The following PDE9A variants were observed in gnomAD, a reference collection of about 807,000 sequenced individuals.
PDE9A encodes high affinity cGMP-specific 3',5'-cyclic phosphodiesterase 9A.
PDE9A carries 60 observed loss-of-function variants against 87.4 expected under a neutral mutation model. The ratio of observed to expected loss-of-function variants is 0.69; its 90% CI spans 0.56 to 0.85. PDE9A has a LOEUF of 0.85. PDE9A is among the 40% of genes least tolerant of loss of function. The pLI, the probability that PDE9A is intolerant of heterozygous loss-of-function variation, is 0.00. For missense variants in PDE9A, 665 were observed against 779.0 expected, an observed-to-expected ratio of 0.85 and a Z score of 1.74; for synonymous variants, 272 against 279.4, an observed-to-expected ratio of 0.97 and a Z score of 0.27.
chr21:42,744,334 G>C (rs867547331), intron 8 of PDE9A, among the ~76,000 whole-genome samples: 3 of 152,006 alleles, frequency 2.0e-5, no homozygotes, highest in African/African-American at 7.2e-5. Flanking sequence ...GCCTGGGCTC[G>C]ACAGAGCAAG....
intron 4 of PDE9A, among the ~76,000 whole-genome samples, chr21:42,720,170 C>T (rs980153507): frequency 6.6e-6 from 1 of 152,178 alleles, no homozygotes; most frequent in African/African-American, 2.4e-5. Flanking sequence ...GGCATCCGTT[C>T]GGTTATTCGT....
chr21:42,730,428 G>GT (rs530984017), intron 4 of PDE9A, among the ~76,000 whole-genome samples: 5 of 151,794 alleles, frequency 3.3e-5, no homozygotes, highest in Non-Finnish European at 5.9e-5. Flanking sequence ...AAACTGATTA[G>GT]TTTTTTTTAA....
chr21:42,682,029 G>T (rs1403607825), intron 1 of PDE9A, among the ~76,000 whole-genome samples: 1 of 152,218 alleles, frequency 6.6e-6, no homozygotes, highest in Non-Finnish European at 1.5e-5. Context: ...GAAGAGCGCG[G>T]CTGTCCAAGC....
At chr21:42,724,109 A>G (rs2050792770) in intron 4 of PDE9A, among the ~76,000 whole-genome samples, 1 of 152,100 alleles carries the variant, frequency 6.6e-6, no homozygotes, top group African/African-American at 2.4e-5. Flanking sequence ...GAGGTGCTAG[A>G]GGGGGTAAGG....
At chr21:42,667,879 G>A (rs1018528226) in intron 1 of PDE9A, among the ~76,000 whole-genome samples, 17 of 151,848 alleles carry the variant, frequency 1.1e-4, no homozygotes, top group African/African-American at 3.4e-4. Flanking sequence ...TTGATGAACC[G>A]CCCTTTCCCC....
At chr21:42,667,204 A>G (rs1302572272) in intron 1 of PDE9A, among the ~76,000 whole-genome samples, 1 of 152,212 alleles carries the variant, frequency 6.6e-6, no homozygotes, top group African/African-American at 2.4e-5. Context: ...GGAGATCACA[A>G]TGAGGAAGTT....
In PDE9A at chr21:42,685,240, G is replaced by C. The variant is rs145474896; in HGVS notation, c.70-952G>C. On this transcript the variant is annotated intron_variant, in intron 1 of 19. Transcript: ENST00000291539. ...TCCCTGAGAGCCGAGACTCATGGCC[G>C]GGACCCCTTGGACAGAAGATGCGGA... Among the ~76,000 whole-genome samples the C allele has an allele frequency of 6.9e-3, 1,055 of 152,338 alleles. 18 individuals carry two copies. Among genetic ancestry groups the C allele is most frequent in the African/African-American group, 0.024 (1,006 of 41,584 alleles).
intron 1 of PDE9A, among the ~76,000 whole-genome samples, chr21:42,665,624 C>G (rs1007478081): frequency 1.3e-5 from 2 of 152,202 alleles, no homozygotes; most frequent in African/African-American, 4.8e-5. Flanking sequence ...CCTGCCCTGG[C>G]CGGCCCTTGC....
intron 1 of PDE9A, among the ~76,000 whole-genome samples, chr21:42,666,222 A>C (rs914657519): frequency 6.6e-6 from 1 of 151,830 alleles, no homozygotes; most frequent in African/African-American, 2.4e-5. Flanking sequence ...CGTGGCTATC[A>C]GCTCCAGAAG....
In PDE9A at chr21:42,760,779, C is replaced by A. The variant is rs1339198520; in HGVS notation, c.1003-46C>A. ...CCACCCCCCCTCACCCCATCCCACC[C>A]TCCGAGTGAAGAGAGCAAACACCTA... On this transcript the variant is annotated intron_variant, in intron 12 of 19. Transcript: ENST00000291539. The surrounding 1 kb of genome is among the most constrained non-coding windows in gnomAD (Gnocchi z 5.2). 1 of 1,089,666 alleles carries A rather than the reference C, an allele frequency of 9.2e-7. No individual in the cohort carries two copies. Among genetic ancestry groups the A allele is most frequent in the Non-Finnish European group, 1.4e-6 (1 of 703,036 alleles). The allele number at this position is 1,089,666 out of a possible 1,614,324, so 67.5% of individuals were successfully genotyped here.
intron 1 of PDE9A, among the ~76,000 whole-genome samples, chr21:42,663,616 C>A (rs950818106): frequency 1.9e-4 from 29 of 152,220 alleles, no homozygotes; most frequent in African/African-American, 7.0e-4. Context: ...CGTCTTCCCA[C>A]CCTGCGGTCA....
In PDE9A at chr21:42,760,861, A is replaced by C. The variant is rs762832936; in HGVS notation, c.1039A>C (p.Thr347Pro). The C allele has an allele frequency of 6.2e-7, 1 of 1,612,270 alleles. No individual in the cohort carries two copies. The highest frequency in any genetic ancestry group is 1.1e-5 in the South Asian group (1 of 91,038). Residue 347 changes from threonine (T) to proline (P), a missense_variant, in exon 13 of 20, where the codon ACA becomes CCA. By Grantham distance (38) the Thr-to-Pro change is conservative. Coordinates refer to ENST00000291539, the MANE Select transcript of PDE9A (RefSeq NM_002606.3). This position sits in a 1 kb window ranked among gnomAD's most constrained non-coding sequence, Gnocchi z 5.2. ...ACAAACGGATATCCTGATCCTAATGACAGCGGCCATCTGCCACGATCTGGA... is the reference window on the plus strand; with the variant it reads ...ACAAACGGATATCCTGATCCTAATGCCAGCGGCCATCTGCCACGATCTGGA... Reference protein sequence around the residue: ...FSQTDILILMTAAICHDLDHP... With the variant: ...FSQTDILILMPAAICHDLDHP...
rs922949167 is a variant in PDE9A, at chr21:42,694,267, G to A, written c.219-4701G>A. Among the ~76,000 whole-genome samples, 1 of 152,216 alleles carries A rather than the reference G, an allele frequency of 6.6e-6. No homozygotes were observed. Among genetic ancestry groups the A allele is most frequent in the East Asian group, 1.9e-4 (1 of 5,204 alleles). On this transcript the variant is annotated intron_variant, in intron 3 of 19. Coordinates refer to ENST00000291539, the MANE Select transcript of PDE9A (RefSeq NM_002606.3). This position sits in a 1 kb window ranked among gnomAD's most constrained non-coding sequence, Gnocchi z 5.3. ...TCCTCCACTTCTGAAGTCACCTGCA[G>A]TGACTTGGTGTGGACTTGGTCACCT...
At chr21:42,716,588 A>G (rs1034388702) in intron 4 of PDE9A, among the ~76,000 whole-genome samples, 5 of 151,404 alleles carry the variant, frequency 3.3e-5, no homozygotes, top group African/African-American at 7.3e-5. Context: ...ACTTTTCACA[A>G]TCTATTTAGA....
intron 3 of PDE9A, among the ~76,000 whole-genome samples, chr21:42,697,737 G>A (rs547684585): frequency 4.8e-4 from 73 of 152,286 alleles, no homozygotes; most frequent in South Asian, 2.9e-3. Flanking sequence ...CCCTTGTAAG[G>A]ACACCAACCC....
rs1259871640 is a variant in PDE9A, at chr21:42,656,405, G to C, written c.69+2522G>C. 2.6e-5 allele frequency among the ~76,000 whole-genome samples: 4 copies of C among 152,234 alleles called. No individual in the cohort carries two copies. The East Asian group carries it at 7.7e-4, about 29-fold the overall frequency. On this transcript the variant is annotated intron_variant, in intron 1 of 19. Transcript: ENST00000291539. ...GACCGCAGAGACGGGGAGGAAGGAG[G>C]GAACATTAGAAACTGGGGGTTCTGC... is the stretch of plus-strand genomic sequence containing the variant.
chr21:42,724,585 AGAGGCGGTTCCGT>A, intron 4 of PDE9A: 3 of 985,402 alleles, frequency 3.0e-6, no homozygotes, highest in Non-Finnish European at 3.6e-6. Context: ...CATTATCTAA[AGAGGCGGTTCCGT>A]GAGCCCACTG....
At chr21:42,715,000 C>T (rs1355890774) in intron 4 of PDE9A, among the ~76,000 whole-genome samples, 2 of 152,150 alleles carry the variant, frequency 1.3e-5, no homozygotes, top group East Asian at 1.9e-4. Flanking sequence ...TTGGGGTTAG[C>T]TCTACCACGT....
At chr21:42,698,213 T>C (rs756577) in intron 3 of PDE9A, among the ~76,000 whole-genome samples, 108,496 of 152,192 alleles carry the variant, frequency 0.71, 40,392 homozygotes, top group East Asian at 0.94. Flanking sequence ...ACACCTGTGA[T>C]GTCTGCCGCC....
Sources: gnomAD v4.1 joint callset for allele counts (sites outside exome capture counted in the v4.1 genomes callset) on GRCh38, gnomAD v4.1.1 for gene constraint, Gnocchi (gnomAD v3.1) non-coding constraint, MANE v1.5 for transcripts, NCBI Gene and HGNC (gene_info 2026-07-23, HGNC 2026-07-21) for gene names.